RUFY2: variants seen among roughly 807,000 people sequenced by gnomAD.
RUFY2 encodes the protein RUN and FYVE domain containing 2.
In RUFY2, 49 loss-of-function variants were observed where a neutral mutation model predicts 94.4. The observed-to-expected ratio is 0.52, with a 90% CI of 0.41 to 0.66. The LOEUF is 0.66. RUFY2 is among the 30% of genes least tolerant of loss of function. RUFY2 has a pLI of 0.00. For synonymous variants in RUFY2, 255 were observed against 235.7 expected (o/e 1.08, Z -0.75); for missense variants, 541 against 692.8 (o/e 0.78, Z 2.46).
intron 10 of RUFY2, among the ~76,000 whole-genome samples, chr10:68,381,625 A>AC (rs2049062750): frequency 6.6e-6 from 1 of 152,190 alleles, no homozygotes; most frequent in South Asian, 2.1e-4. Flanking sequence ...TGGGTGGATC[A>AC]CTTGAGGTCA....
intron 8 of RUFY2, 80 bp downstream of exon 8, chr10:68,385,979 T>C: frequency 2.4e-6 from 2 of 819,202 alleles, no homozygotes; most frequent in Non-Finnish European, 4.0e-6. Context: ...TGTGTGTGTA[T>C]GTTTAATGCA....
chr10:68,366,231 G>C (rs900306054), intron 13 of RUFY2, among the ~76,000 whole-genome samples: 3 of 148,998 alleles, frequency 2.0e-5, no homozygotes, highest in Non-Finnish European at 4.4e-5. Flanking sequence ...TTGGAAGGCT[G>C]AGGCAGAAGA....
rs2046109720 is a variant in RUFY2 at position 68,343,749 on chromosome 10, A to C, written c.*2019T>G. 6.7e-6 allele frequency: 1 copy of C among 148,668 alleles called. No homozygotes were observed. Among genetic ancestry groups the C allele is most frequent in the Non-Finnish European group, 1.5e-5 (1 of 67,188 alleles). The allele number at this position is 148,668 out of a possible 1,614,324, so 9.2% of individuals were successfully genotyped here. ...TCTTGTAACAGAAAAATCCAAAGTT[A>C]GTATAGTTTTTAAATAAGCCAAAAC... On this transcript the variant is annotated 3_prime_UTR_variant, in exon 18 of 18. Transcript: ENST00000602465.
rs377333410 is a variant in RUFY2 at position 68,345,746 on chromosome 10, A to G, written c.*22T>C. The G allele has an allele frequency of 6.3e-7, 1 of 1,597,690 alleles. No homozygotes were observed. Among genetic ancestry groups the G allele is most frequent in the African/African-American group, 1.3e-5 (1 of 74,372 alleles). Reference sequence around the variant, plus strand: ...ACATTCATTGTAGGTAATTTCATACATAAGGATTTAGTTCTGGAGTCTCAG... The same window carrying G: ...ACATTCATTGTAGGTAATTTCATACGTAAGGATTTAGTTCTGGAGTCTCAG... On this transcript the variant is annotated 3_prime_UTR_variant, in exon 18 of 18. Coordinates refer to ENST00000602465, the MANE Select transcript of RUFY2 (RefSeq NM_001330103.2).
chr10:68,395,537 T>G (rs1371314141), intron 4 of RUFY2, among the ~76,000 whole-genome samples: 1 of 152,174 alleles, frequency 6.6e-6, no homozygotes, highest in East Asian at 1.9e-4. Context: ...CATGTTCAAG[T>G]CAATGCATTT....
chr10:68,360,767 C>A (rs186061196), intron 15 of RUFY2, among the ~76,000 whole-genome samples: 34 of 151,288 alleles, frequency 2.2e-4, no homozygotes, highest in Middle Eastern at 3.4e-3. Flanking sequence ...TAATAATAAT[C>A]ATCATCATCT....
chr10:68,376,466 A>G (rs1210728525), intron 13 of RUFY2, among the ~76,000 whole-genome samples: 1 of 34,806 alleles, frequency 2.9e-5, no homozygotes, highest in Admixed American at 2.8e-4. Flanking sequence ...ATATATATAT[A>G]TATATATATA....
chr10:68,393,918 C>T (rs1373030505), intron 6 of RUFY2, 157 bp downstream of exon 6: 24 of 1,381,368 alleles, frequency 1.7e-5, no homozygotes, highest in Non-Finnish European at 2.2e-5. Context: ...CCATAATCTG[C>T]TTTGTAAAGC....
intron 16 of RUFY2, among the ~76,000 whole-genome samples, chr10:68,352,647 G>A (rs2046760055): frequency 6.6e-6 from 1 of 152,116 alleles, no homozygotes; most frequent in African/African-American, 2.4e-5. Context: ...AAAGAGAGGG[G>A]TGGCTGGGCA....
At chr10:68,405,728 T>G in intron 1 of RUFY2, 1 of 983,278 alleles carries the variant, frequency 1.0e-6, no homozygotes. Flanking sequence ...CTGTCTGGCT[T>G]CTTCATTCTG....
intron 3 of RUFY2, among the ~76,000 whole-genome samples, chr10:68,398,907 A>G (rs932388894): frequency 1.1e-4 from 17 of 152,202 alleles, no homozygotes; most frequent in Non-Finnish European, 2.5e-4. Flanking sequence ...ACATATTTTC[A>G]TATTAAAATG....
rs748673817 is a variant in RUFY2, at chr10:68,394,085, T to A, written c.574A>T (p.Asn192Tyr). Reference sequence around the variant, plus strand: ...TTATGAAAATCATACCTTTCTTTATTTCCAATATCTTCTTCATTCTTTAAA... The same window carrying A: ...TTATGAAAATCATACCTTTCTTTATATCCAATATCTTCTTCATTCTTTAAA... ...MYLKNEEDIG[N>Y]KERNVQIAAI... The change falls in exon 6 of 18, where the codon AAT becomes TAT. Residue 192 changes from asparagine (N) to tyrosine (Y), a missense_variant. Transcript: ENST00000602465. 1 of 1,505,104 alleles carries A rather than the reference T, an allele frequency of 6.6e-7. No individual in the cohort carries two copies. The highest frequency in any genetic ancestry group is 1.3e-5 in the South Asian group (1 of 79,036). The allele number at this position is 1,505,104 out of a possible 1,614,324, so 93.2% of individuals were successfully genotyped here.
chr10:68,386,103 TTGAA>T lies in RUFY2; in HGVS notation c.672_675del (p.His224GlnfsTer6). On this transcript the variant is annotated frameshift_variant, in exon 8 of 18. Coordinates refer to ENST00000602465, the MANE Select transcript of RUFY2 (RefSeq NM_001330103.2). LOFTEE classifies it high-confidence loss of function. ...TTTGACTTTTCTAATGAATCAACTC[TTGAA>T]TGGAGGCTGCTGACTGTGCTGCTGA... is the stretch of plus-strand genomic sequence containing the variant. The T allele has an allele frequency of 6.2e-7, 1 of 1,612,816 alleles. No homozygotes were observed. The highest frequency in any genetic ancestry group is 8.5e-7 in the Non-Finnish European group (1 of 1,179,448).
At chr10:68,351,416 G>A (rs144261800) in intron 16 of RUFY2, among the ~76,000 whole-genome samples, 5,837 of 148,464 alleles carry the variant, frequency 0.039, 365 homozygotes, top group African/African-American at 0.14. Context: ...GATTATAGGC[G>A]TGAGCCACCA....
rs1256076023 is a variant in RUFY2 at position 68,376,951 on chromosome 10, C to T, written c.1227G>A (p.Ala409=). ...CATCCTCATCTTCAGCTTCCATTTGCGCCTTCTCTGCTTGCTGCAATCTGG... is the reference window on the plus strand; with the variant it reads ...CATCCTCATCTTCAGCTTCCATTTGTGCCTTCTCTGCTTGCTGCAATCTGG... ...LEQRLQQAEK[A]QMEAEDEDEK... The change falls in exon 13 of 18, where the codon GCG becomes GCA. Residue 409 remains alanine, a synonymous_variant. Coordinates refer to ENST00000602465, the MANE Select transcript of RUFY2 (RefSeq NM_001330103.2). The T allele has an allele frequency of 5.6e-6, 9 of 1,613,436 alleles. No homozygotes were observed. Among genetic ancestry groups the T allele is most frequent in the East Asian group, 4.5e-5 (2 of 44,808 alleles).
chr10:68,371,123 CTCTG>C (rs1219233570), intron 13 of RUFY2, among the ~76,000 whole-genome samples: 11 of 138,722 alleles, frequency 7.9e-5, no homozygotes, highest in African/African-American at 3.0e-4. Context: ...CAGAGAGAGG[CTCTG>C]TCTCAAAAAA....
chr10:68,401,753 C>T lies in RUFY2; in HGVS notation c.179-16G>A, dbSNP rs1188318013. ...GATTTTCTTACTGAAAAAAAGAACACATAATGCACACAATGTCAACATAAA... is the reference window on the plus strand; with the variant it reads ...GATTTTCTTACTGAAAAAAAGAACATATAATGCACACAATGTCAACATAAA... On this transcript the variant is annotated splice_polypyrimidine_tract_variant and intron_variant, in intron 2 of 17. Coordinates refer to ENST00000602465, the MANE Select transcript of RUFY2 (RefSeq NM_001330103.2). The T allele has an allele frequency of 1.2e-5, 16 of 1,390,040 alleles. No individual in the cohort carries two copies. In the East Asian group the frequency reaches 2.7e-4, roughly 24 times the overall value. The allele number at this position is 1,390,040 out of a possible 1,614,324, so 86.1% of individuals were successfully genotyped here. A position where few individuals can be genotyped will look rare whatever the true frequency, so the allele number is the denominator to read the frequency against.
intron 16 of RUFY2, among the ~76,000 whole-genome samples, chr10:68,350,696 T>G (rs1263995345): frequency 1.3e-5 from 2 of 151,732 alleles, no homozygotes; most frequent in Non-Finnish European, 2.9e-5. Flanking sequence ...AAGCGGAGGA[T>G]ACGCAGTGTT....
At position 68,398,487 on chromosome 10, in the gene RUFY2, A is replaced by C. The variant is rs187093541; in HGVS notation, c.297-1606T>G. 2.5e-3 allele frequency among the ~76,000 whole-genome samples: 384 copies of C among 152,240 alleles called. 3 individuals carry two copies. Among genetic ancestry groups the C allele is most frequent in the African/African-American group, 9.1e-3 (378 of 41,534 alleles). ...GCCAACATGGTGAAACCCCGTCTCCACTAAAAATACAAAAATTAGCCAGGC... is the reference window on the plus strand; with the variant it reads ...GCCAACATGGTGAAACCCCGTCTCCCCTAAAAATACAAAAATTAGCCAGGC... On this transcript the variant is annotated intron_variant, in intron 3 of 17. Transcript: ENST00000602465.
Sources: gnomAD v4.1 joint callset for allele counts (sites outside exome capture counted in the v4.1 genomes callset) on GRCh38, gnomAD v4.1.1 for gene constraint, MANE v1.5 for transcripts, NCBI Gene and HGNC (gene_info 2026-07-23, HGNC 2026-07-21) for gene names.